ZFHX3: variants seen among roughly 807,000 people sequenced by gnomAD.
The protein encoded by ZFHX3 is zinc finger homeobox 3.
A neutral mutation model predicts 279.1 loss-of-function variants in ZFHX3; 42 were observed. The observed-to-expected ratio is 0.15, with a 90% confidence interval of 0.12 to 0.19. The LOEUF is 0.19. Among genes scored for constraint, ZFHX3 ranks in the 10% least tolerant of loss-of-function variants. The pLI, the probability that ZFHX3 is intolerant of heterozygous loss-of-function variation, is 1.00. For missense variants in ZFHX3, 4,981 were observed against 4,754.0 expected (o/e 1.05, Z -1.40); for synonymous variants, 2,293 against 1,957.8 (o/e 1.17, Z -4.52).
At chr16:73,851,734 T>A (rs1961598390) in intron 1 of ZFHX3, among the ~76,000 whole-genome samples, 1 of 152,188 alleles carries the variant, frequency 6.6e-6, no homozygotes, top group Admixed American at 6.5e-5. Context: ...ACATACATAC[T>A]AAATTGATAT....
At chr16:73,698,977 C>T (rs796796917) in intron 1 of ZFHX3, among the ~76,000 whole-genome samples, 15 of 152,162 alleles carry the variant, frequency 9.9e-5, no homozygotes, top group African/African-American at 2.9e-4. Context: ...CTCCACCTCC[C>T]GGGTTCAAGC....
intron 2 of ZFHX3, among the ~76,000 whole-genome samples, chr16:73,596,029 T>G (rs143128360): frequency 9.2e-6 from 1 of 108,586 alleles, no homozygotes; most frequent in South Asian, 3.1e-4. Flanking sequence ...TTTATTTTAT[T>G]TTATTTTTTG....
Position 73,881,453 on chromosome 16 carries a change from ACTCTCT to A in ZFHX3, c.-1608+10192_-1608+10197del, listed in dbSNP as rs368431262. 9.5e-3 allele frequency among the ~76,000 whole-genome samples: 372 copies of A among 38,980 alleles called. 5 individuals are homozygous for A. The highest frequency in any genetic ancestry group is 0.031 in the African/African-American group (339 of 10,930). The allele number at this position is 38,980 out of a possible 152,430, so 25.6% of individuals were successfully genotyped here. On this transcript the variant is annotated intron_variant, in intron 1 of 17. Coordinates refer to the ZFHX3 transcript ENST00000641206. ...CACACTCACACACACACACACACACACTCTCTCTCTCTCTCTCTCTCTCTCTGCCCC... is the reference window on the plus strand; with the variant it reads ...CACACTCACACACACACACACACACACTCTCTCTCTCTCTCTCTCTGCCCC...
chr16:73,463,544 A>G (rs996906218), intron 2 of ZFHX3, among the ~76,000 whole-genome samples: 1 of 151,624 alleles, frequency 6.6e-6, no homozygotes, highest in African/African-American at 2.4e-5. Context: ...TTCCCTTTAT[A>G]CCCTCCTGCC....
intron 1 of ZFHX3, among the ~76,000 whole-genome samples, chr16:72,986,002 T>A (rs1293622865): frequency 6.6e-6 from 1 of 152,166 alleles, no homozygotes; most frequent in Non-Finnish European, 1.5e-5. Context: ...TTTACAAAAC[T>A]AATAAAGATT....
chr16:73,760,460 C>T (rs1026072532), intron 1 of ZFHX3, among the ~76,000 whole-genome samples: 5 of 148,374 alleles, frequency 3.4e-5, no homozygotes, highest in Admixed American at 1.3e-4. Flanking sequence ...CATCCTGATA[C>T]CAAAAGCTGG....
Position 73,409,555 on chromosome 16 carries a change from T to G in ZFHX3, c.-1291+46448A>C, listed in dbSNP as rs1303140803. ...AGTACAACCACTATGGAGAACAGTTTGGAGGTTCTTCAAAACGCGAAAAAT... is the reference window on the plus strand; with the variant it reads ...AGTACAACCACTATGGAGAACAGTTGGGAGGTTCTTCAAAACGCGAAAAAT... On this transcript the variant is annotated intron_variant, in intron 3 of 17. Transcript: ENST00000641206. 2.0e-5 allele frequency among the ~76,000 whole-genome samples: 3 copies of G among 152,314 alleles called. No individual in the cohort carries two copies. The East Asian group carries it at 5.8e-4, about 29-fold the overall frequency.
intron 7 of ZFHX3, among the ~76,000 whole-genome samples, chr16:73,120,572 C>T (rs1342826320): frequency 6.6e-6 from 1 of 151,954 alleles, no homozygotes; most frequent in Non-Finnish European, 1.5e-5. Context: ...CTGTGCCTGG[C>T]CAAACCCCAT....
At chr16:73,869,903 G>A (rs1274576635) in intron 1 of ZFHX3, among the ~76,000 whole-genome samples, 10 of 152,196 alleles carry the variant, frequency 6.6e-5, no homozygotes, top group Admixed American at 6.5e-4. Context: ...GGGGCCCCAG[G>A]ACAGTGCCTG....
chr16:72,903,169 CTGTGG>C lies in ZFHX3; in HGVS notation c.3217-13212_3217-13208del, dbSNP rs2039082367. ...TGCGAGAGTTCGAGGAGGGTGCCCACTGTGGAGGTCGTTGAGAAAGGCCCATGCTA... is the reference window on the plus strand; with the variant it reads ...TGCGAGAGTTCGAGGAGGGTGCCCACAGGTCGTTGAGAAAGGCCCATGCTA... On this transcript the variant is annotated intron_variant, in intron 3 of 9. Coordinates refer to ENST00000268489, the MANE Select transcript of ZFHX3 (RefSeq NM_006885.4). 4.6e-5 allele frequency among the ~76,000 whole-genome samples: 7 copies of C among 152,268 alleles called. No homozygotes were observed. The South Asian group carries it at 1.0e-3, about 23-fold the overall frequency.
intron 1 of ZFHX3, among the ~76,000 whole-genome samples, chr16:73,833,250 C>T (rs1242267609): frequency 6.6e-6 from 1 of 152,074 alleles, no homozygotes; most frequent in Non-Finnish European, 1.5e-5. Context: ...GTAGTCTTAC[C>T]TACTTGGGAG....
chr16:73,632,552 G>T (rs1268218071), intron 2 of ZFHX3, among the ~76,000 whole-genome samples: 1 of 152,032 alleles, frequency 6.6e-6, no homozygotes, highest in Non-Finnish European at 1.5e-5. Context: ...TGGGCATGGT[G>T]GCGCGCACCT....
chr16:73,727,536 T>C (rs952765184), intron 1 of ZFHX3, among the ~76,000 whole-genome samples: 3 of 152,186 alleles, frequency 2.0e-5, no homozygotes, highest in Non-Finnish European at 2.9e-5. Context: ...TCTTCTACCA[T>C]TAAGGATTGT....
rs188881723 is a variant in ZFHX3 at position 73,199,743 on chromosome 16, T to A, written c.-1103-55912A>T. On this transcript the variant is annotated intron_variant, in intron 5 of 17. Transcript: ENST00000641206. ...CACAGGCTCCTTTGGGAGGCCATGGTGGATGGAAAGTAACATCACAGTCCT... is the reference window on the plus strand; with the variant it reads ...CACAGGCTCCTTTGGGAGGCCATGGAGGATGGAAAGTAACATCACAGTCCT... 2.8e-3 allele frequency among the ~76,000 whole-genome samples: 429 copies of A among 152,230 alleles called. 3 individuals are homozygous for A. The highest frequency in any genetic ancestry group is 0.014 in the South Asian group (69 of 4,814).
At chr16:73,738,468 A>C (rs142023838) in intron 1 of ZFHX3, among the ~76,000 whole-genome samples, 11 of 152,350 alleles carry the variant, frequency 7.2e-5, no homozygotes, top group Admixed American at 7.2e-4. Context: ...ATGGCTTTCC[A>C]TTAGACCTTG....
At chr16:73,450,712 G>T (rs1340994443) in intron 3 of ZFHX3, among the ~76,000 whole-genome samples, 2 of 152,138 alleles carry the variant, frequency 1.3e-5, no homozygotes, top group African/African-American at 4.8e-5. Flanking sequence ...AAGGTTTCCT[G>T]AACATGTCGA....
At chr16:73,604,345 A>C (rs942666278) in intron 2 of ZFHX3, among the ~76,000 whole-genome samples, 20 of 152,080 alleles carry the variant, frequency 1.3e-4, no homozygotes, top group Non-Finnish European at 7.3e-5. Context: ...AGAGAAAGAG[A>C]AGTCGCTATG....
rs1419747044 is a variant in ZFHX3, at chr16:73,065,045, AT to A, written c.-532-6034del. ...CGGTCGGGCTGTGTTCGCTTTAGGG[AT>A]TTCCAAGGGCATAACTTGGGGGAAT... On this transcript the variant is annotated intron_variant, in intron 8 of 17. Transcript: ENST00000641206. Among the ~76,000 whole-genome samples the A allele has an allele frequency of 2.6e-5, 4 of 152,354 alleles. No homozygotes were observed. The East Asian group carries it at 7.7e-4, about 29-fold the overall frequency.
At chr16:73,329,836 C>G (rs942077686) in intron 3 of ZFHX3, among the ~76,000 whole-genome samples, 3 of 152,162 alleles carry the variant, frequency 2.0e-5, no homozygotes, top group African/African-American at 7.2e-5. Context: ...ATGGGAAAGG[C>G]GAGTGTGAAT....
Sources: allele counts gnomAD v4.1 joint callset (sites outside exome capture counted in the v4.1 genomes callset), GRCh38; gene constraint gnomAD v4.1.1; transcripts MANE v1.5; gene names NCBI Gene and HGNC (gene_info 2026-07-23, HGNC 2026-07-21).